The following NWD1 variants were observed in gnomAD, a reference collection of about 807,000 sequenced individuals.
NWD1 encodes NACHT domain- and WD repeat-containing protein 1.
NWD1 carries 129 observed loss-of-function variants against 135.1 expected under a neutral mutation model. The ratio of observed to expected loss-of-function variants is 0.96; its 90% confidence interval spans 0.83 to 1.11. The LOEUF is 1.11. Among genes scored for constraint, NWD1 ranks in the 50% least tolerant of loss-of-function variants. The probability of loss-of-function intolerance (pLI) is 0.00; values close to 1 mark genes in which losing one functional copy is unlikely to be tolerated. For missense variants in NWD1, 1,740 were observed against 1,851.3 expected (o/e 0.94, Z 1.10); for synonymous variants, 773 against 786.0 (o/e 0.98, Z 0.28).
In NWD1 at chr19:16,788,981, G is replaced by T; in HGVS notation, c.2732-1G>T. ...CTCTCCCCTACCCTGGCCTGCTGCA[G>T]GAGAGGTGAGGTGTGTGAAAATATT... On this transcript the variant is annotated splice_acceptor_variant, in intron 12 of 18. Transcript: ENST00000524140. LOFTEE classifies it high-confidence loss of function. 2 of 1,610,808 alleles carry T rather than the reference G, an allele frequency of 1.2e-6. No individual in the cohort carries two copies. Among genetic ancestry groups the T allele is most frequent in the Non-Finnish European group, 1.7e-6 (2 of 1,178,704 alleles).
rs149137114 is a variant in NWD1 at position 16,800,067 on chromosome 19, G to T, written c.3641G>T (p.Arg1214Leu). ...RSRVPAPFLD[R>L]TGLTAVSHNG... The stretch of plus-strand genomic sequence containing the variant: ...CGGGTGCCTGCACCATTTCTGGACC[G>T]CACCGGCCTCACCGCAGTGTCCCAC... The change falls in exon 17 of 19, where the codon CGC (arginine) becomes CTC (leucine). Residue 1214 changes from arginine to leucine, a missense_variant. By Grantham distance (102) the Arg-to-Leu change is moderately radical. Transcript: ENST00000524140. The T allele has an allele frequency of 1.2e-6, 2 of 1,614,060 alleles. No individual in the cohort carries two copies. The highest frequency in any genetic ancestry group is 4.5e-5 in the East Asian group (2 of 44,874).
At chr19:16,791,708 C>T (rs1970253072) in intron 14 of NWD1, 86 bp downstream of exon 14, 4 of 1,337,910 alleles carry the variant, frequency 3.0e-6, no homozygotes, top group South Asian at 2.5e-5. Context: ...AATAATCTTG[C>T]CTTGTATCTT....
At chr19:16,745,806 A>G (rs558471915) in intron 5 of NWD1, among the ~76,000 whole-genome samples, 23 of 152,080 alleles carry the variant, frequency 1.5e-4, no homozygotes, top group African/African-American at 5.1e-4. Flanking sequence ...AGCCCCAGCT[A>G]CTCAGGAGGC....
At chr19:16,790,157 C>T (rs958064549) in intron 13 of NWD1, among the ~76,000 whole-genome samples, 8 of 152,098 alleles carry the variant, frequency 5.3e-5, no homozygotes, top group African/African-American at 1.9e-4. Flanking sequence ...TGGGTGATAG[C>T]TTACTAATTG....
intron 12 of NWD1, among the ~76,000 whole-genome samples, chr19:16,785,231 G>A (rs1231391061): frequency 6.6e-6 from 1 of 152,124 alleles, no homozygotes; most frequent in African/African-American, 2.4e-5. Flanking sequence ...AATGTGATAG[G>A]CCAGGCGCGG....
chr19:16,744,782 A>C, intron 5 of NWD1, 64 bp downstream of exon 5: 1 of 1,380,228 alleles, frequency 7.2e-7, no homozygotes, highest in Non-Finnish European at 9.9e-7. Context: ...CAGAATATCC[A>C]TCCCCTGTTG....
At chr19:16,761,459 C>G (rs1177595517) in intron 7 of NWD1, among the ~76,000 whole-genome samples, 1 of 152,084 alleles carries the variant, frequency 6.6e-6, no homozygotes, top group Non-Finnish European at 1.5e-5. Flanking sequence ...TCACTGCAAC[C>G]TCCACCTGGG....
intron 2 of NWD1, among the ~76,000 whole-genome samples, chr19:16,726,350 T>G (rs1599417187): frequency 6.6e-6 from 1 of 152,132 alleles, no homozygotes; most frequent in Non-Finnish European, 1.5e-5. Context: ...GCTCAAGAGA[T>G]CCTCCTGCCC....
chr19:16,759,543 C>A, intron 7 of NWD1, 115 bp downstream of exon 7: 2 of 756,158 alleles, frequency 2.6e-6, no homozygotes, highest in South Asian at 1.6e-5. Context: ...CCCAGGGAAT[C>A]AAGTCCAGTT....
At chr19:16,791,663 C>T (rs1171449514) in intron 14 of NWD1, 41 bp downstream of exon 14, 2 of 1,576,708 alleles carry the variant, frequency 1.3e-6, no homozygotes, top group South Asian at 2.2e-5. Context: ...ATTAACTCAG[C>T]TTGAAAGTGC....
At chr19:16,793,718 G>A (rs1023242296) in intron 14 of NWD1, among the ~76,000 whole-genome samples, 11 of 151,196 alleles carry the variant, frequency 7.3e-5, no homozygotes, top group Non-Finnish European at 1.2e-4. Context: ...CTGGGACTAC[G>A]GGCATGTGCC....
Position 16,807,717 on chromosome 19 carries a change from G to A in NWD1, c.3868G>A (p.Val1290Met), listed in dbSNP as rs142915346. 11 of 1,613,810 alleles carry A rather than the reference G, an allele frequency of 6.8e-6. No homozygotes were observed. Among genetic ancestry groups the A allele is most frequent in the African/African-American group, 1.3e-5 (1 of 75,022 alleles). Residue 1290 changes from valine (V) to methionine (M), a missense_variant, in exon 18 of 19, where the codon GTG (valine) becomes ATG (methionine). Physicochemically the swap from Val to Met is conservative, Grantham distance 21. Transcript: ENST00000524140. ...GTTCCCCCTGAATTCCAGGCAGGAC[G>A]TGATATGCATTCCCCCTCCCGAGGC... is the stretch of plus-strand genomic sequence containing the variant. Reference protein sequence around the residue: ...LVFPLNSRQDVICIPPPEARK... With the variant: ...LVFPLNSRQDMICIPPPEARK...
intron 18 of NWD1, among the ~76,000 whole-genome samples, chr19:16,814,381 C>T (rs146963139): frequency 1.2e-3 from 177 of 152,220 alleles, no homozygotes; most frequent in African/African-American, 3.8e-3. Flanking sequence ...ATAGAAAAGG[C>T]GCTCATTGTG....
intron 12 of NWD1, among the ~76,000 whole-genome samples, chr19:16,785,513 AAAAATAAAAT>A (rs569369668): frequency 1.9e-4 from 29 of 151,986 alleles, no homozygotes; most frequent in Non-Finnish European, 4.4e-5. Context: ...TCTGTCTCAA[AAAAATAAAAT>A]AAAATAAAAT....
At chr19:16,771,751 G>C (rs1969420008) in intron 10 of NWD1, among the ~76,000 whole-genome samples, 2 of 151,944 alleles carry the variant, frequency 1.3e-5, no homozygotes, top group Non-Finnish European at 2.9e-5. Flanking sequence ...ACAACCATGT[G>C]CTCTCCGTAC....
intron 8 of NWD1, among the ~76,000 whole-genome samples, chr19:16,763,604 A>G (rs1969101356): frequency 6.6e-6 from 1 of 151,988 alleles, no homozygotes; most frequent in Non-Finnish European, 1.5e-5. Context: ...AACATTCCCT[A>G]TTCCTCCCAG....
At chr19:16,814,299 C>T (rs954736962) in intron 18 of NWD1, among the ~76,000 whole-genome samples, 4 of 152,188 alleles carry the variant, frequency 2.6e-5, no homozygotes, top group Non-Finnish European at 5.9e-5. Context: ...CAGTGAGTAA[C>T]TAGTAGGCTT....
chr19:16,730,463 C>T (rs562148454), intron 2 of NWD1, among the ~76,000 whole-genome samples: 1 of 152,180 alleles, frequency 6.6e-6, no homozygotes, highest in Admixed American at 6.6e-5. Flanking sequence ...CCTGTAATCC[C>T]AGTGCTTTGA....
intron 12 of NWD1, 49 bp downstream of exon 12, chr19:16,779,514 T>G: frequency 6.3e-7 from 1 of 1,590,092 alleles, no homozygotes; most frequent in Non-Finnish European, 8.6e-7. Flanking sequence ...AGTGAAAAGT[T>G]GGTTCTCAGA....
Sources: gnomAD v4.1 joint callset for allele counts (sites outside exome capture counted in the v4.1 genomes callset) on GRCh38, gnomAD v4.1.1 for gene constraint, MANE v1.5 for transcripts, NCBI Gene and HGNC (gene_info 2026-07-23, HGNC 2026-07-21) for gene names.